The following CLIC5 variants were observed in gnomAD, a reference collection of about 807,000 sequenced individuals.
CLIC5 encodes chloride intracellular channel protein 5.
In CLIC5, 20 loss-of-function variants were observed where a neutral mutation model predicts 24.7. The ratio of observed to expected loss-of-function variants is 0.81; its 90% CI spans 0.57 to 1.18. The LOEUF is 1.18. Among genes scored for constraint, CLIC5 ranks in the 50% most tolerant of loss-of-function variants. The pLI is 0.00. For synonymous variants in CLIC5, 159 were observed against 135.6 expected (o/e 1.17, Z -1.20); for missense variants, 341 against 326.1 (o/e 1.05, Z -0.35).
the CLIC5 span, among the ~76,000 whole-genome samples, chr6:46,124,903 C>T: frequency 1.3e-5 from 2 of 152,076 alleles, no homozygotes; most frequent in Non-Finnish European, 2.9e-5. Flanking sequence ...GTTAGAATGG[C>T]GATCATTAAA....
At chr6:46,011,684 G>T (rs1269202881) in intron 1 of CLIC5, among the ~76,000 whole-genome samples, 1 of 152,118 alleles carries the variant, frequency 6.6e-6, no homozygotes, top group Non-Finnish European at 1.5e-5. Context: ...CAATGCAAAT[G>T]GGTGGAATGC....
intron 1 of CLIC5, among the ~76,000 whole-genome samples, chr6:46,038,992 T>C (rs1397261622): frequency 1.3e-5 from 2 of 152,166 alleles, no homozygotes; most frequent in East Asian, 3.8e-4. Context: ...AATGCATACA[T>C]AAGAATTTAG....
chr6:45,969,505 G>A (rs1765125365), intron 1 of CLIC5, among the ~76,000 whole-genome samples: 1 of 114,736 alleles, frequency 8.7e-6, no homozygotes, highest in Non-Finnish European at 1.6e-5. Flanking sequence ...GAGATCCAAA[G>A]ACTTCAGATG....
chr6:45,983,357 G>A (rs980337849), intron 1 of CLIC5, among the ~76,000 whole-genome samples: 2 of 152,188 alleles, frequency 1.3e-5, no homozygotes, highest in Non-Finnish European at 2.9e-5. Context: ...AATGAGTAGT[G>A]TCCCTATACT....
At chr6:46,001,088 A>G (rs1231422427) in intron 1 of CLIC5, among the ~76,000 whole-genome samples, 3 of 152,234 alleles carry the variant, frequency 2.0e-5, no homozygotes, top group Non-Finnish European at 4.4e-5. Flanking sequence ...CTTGGCATAC[A>G]GATGGAAAAT....
intron 6 of CLIC5, among the ~76,000 whole-genome samples, chr6:45,883,602 G>A (rs924972317): frequency 1.1e-4 from 16 of 152,174 alleles, no homozygotes; most frequent in Non-Finnish European, 1.9e-4. Flanking sequence ...GCTGGTTGCT[G>A]GGCCCTCAGA....
At chr6:46,016,597 T>A (rs1413626979), upstream of CLIC5, among the ~76,000 whole-genome samples, 1 of 152,224 alleles carries the variant, frequency 6.6e-6, no homozygotes, top group Non-Finnish European at 1.5e-5. Flanking sequence ...TCTGGTTGTT[T>A]TAGTGAAGTA....
chr6:45,906,463 T>A lies in CLIC5; in HGVS notation c.589-3208A>T, dbSNP rs192402177. Reference sequence around the variant, plus strand: ...ATGTAGTCCTAGATATTTTATTTTATTTTATTTTTGCAGCTATTATAAATT... The same window carrying A: ...ATGTAGTCCTAGATATTTTATTTTAATTTATTTTTGCAGCTATTATAAATT... On this transcript the variant is annotated intron_variant, in intron 5 of 5. Transcript: ENST00000339561. Among the ~76,000 whole-genome samples the A allele has an allele frequency of 2.8e-4, 42 of 152,302 alleles. 1 individual carries two copies. The East Asian group carries it at 6.0e-3, about 22-fold the overall frequency.
intron 4 of CLIC5, among the ~76,000 whole-genome samples, chr6:45,917,540 A>G (rs1763078604): frequency 6.6e-6 from 1 of 152,184 alleles, no homozygotes; most frequent in African/African-American, 2.4e-5. Flanking sequence ...TTTAGTATAC[A>G]GCCAAAGCCC....
intron 1 of CLIC5, among the ~76,000 whole-genome samples, chr6:46,047,954 T>C (rs1414610689): frequency 1.3e-5 from 2 of 152,182 alleles, no homozygotes; most frequent in Non-Finnish European, 2.9e-5. Flanking sequence ...AGTCTGCAAA[T>C]TTGTTTTAAT....
chr6:45,885,941 G>T (rs892066016), intron 6 of CLIC5, among the ~76,000 whole-genome samples: 5 of 152,176 alleles, frequency 3.3e-5, no homozygotes, highest in African/African-American at 1.2e-4. Flanking sequence ...CAGAGAAACT[G>T]ATACTGCACA....
chr6:46,038,373 A>G (rs1427075897), intron 1 of CLIC5, among the ~76,000 whole-genome samples: 1 of 152,172 alleles, frequency 6.6e-6, no homozygotes, highest in East Asian at 1.9e-4. Context: ...CTCATGCCCC[A>G]TGATCCCCTT....
At chr6:46,028,945 T>C (rs1475004392) in intron 1 of CLIC5, among the ~76,000 whole-genome samples, 1 of 152,142 alleles carries the variant, frequency 6.6e-6, no homozygotes, top group African/African-American at 2.4e-5. Context: ...CCGCCCTAAA[T>C]ATCCTCTGTG....
At chr6:45,898,258 C>A (rs756990108), downstream of CLIC5, among the ~76,000 whole-genome samples, 17 of 152,178 alleles carry the variant, frequency 1.1e-4, no homozygotes, top group Non-Finnish European at 1.0e-4. Context: ...GCCTGGCCAA[C>A]ATGGTGACAC....
chr6:46,016,434 G>A (rs958519009), upstream of CLIC5, among the ~76,000 whole-genome samples: 9 of 152,166 alleles, frequency 5.9e-5, no homozygotes, highest in African/African-American at 1.4e-4. Context: ...GGCAGGGCAG[G>A]GGTGGCTCCT....
At chr6:46,030,522 C>T (rs1767467493) in intron 1 of CLIC5, among the ~76,000 whole-genome samples, 2 of 152,094 alleles carry the variant, frequency 1.3e-5, no homozygotes, top group South Asian at 2.1e-4. Context: ...CAGGTCACAC[C>T]CCGCCCTTGC....
intron 1 of CLIC5, among the ~76,000 whole-genome samples, chr6:45,958,748 A>G (rs953259857): frequency 2.0e-5 from 3 of 151,896 alleles, no homozygotes; most frequent in Non-Finnish European, 4.4e-5. Flanking sequence ...CTCTCCATAT[A>G]TGATGAGCTT....
intron 1 of CLIC5, among the ~76,000 whole-genome samples, chr6:46,068,023 T>C (rs1762491077): frequency 6.6e-6 from 1 of 152,162 alleles, no homozygotes; most frequent in Admixed American, 6.5e-5. Flanking sequence ...AAGGTGGCCC[T>C]ATATCCAATC....
At chr6:46,119,549 C>T in the CLIC5 span, among the ~76,000 whole-genome samples, 1 of 152,218 alleles carries the variant, frequency 6.6e-6, no homozygotes, top group Admixed American at 6.5e-5. Context: ...AACTGAGGTA[C>T]CGGGTTCATC....
Sources: gnomAD v4.1 joint callset for allele counts (sites outside exome capture counted in the v4.1 genomes callset) on GRCh38, gnomAD v4.1.1 for gene constraint, MANE v1.5 for transcripts, NCBI Gene and HGNC (gene_info 2026-07-23, HGNC 2026-07-21) for gene names.